The following ZMAT4 variants were observed in gnomAD, a reference collection of about 807,000 sequenced individuals.
The protein encoded by ZMAT4 is zinc finger matrin-type 4, also known as zinc finger matrin-type protein 4.
In ZMAT4, 17 loss-of-function variants were observed where a neutral mutation model predicts 28.7. That is an observed-to-expected ratio of 0.59 (90% CI 0.41 to 0.89). The LOEUF (loss-of-function observed/expected upper bound fraction) is 0.89, where lower values mean the gene tolerates loss of function less well. Among genes scored for constraint, ZMAT4 ranks in the 40% least tolerant of loss-of-function variants. The pLI is 0.00. For synonymous variants in ZMAT4, 117 were observed against 109.2 expected (o/e 1.07, Z -0.44); for missense variants, 240 against 283.8 (o/e 0.85, Z 1.11).
At chr8:40,739,098 T>C (rs1811893585) in intron 3 of ZMAT4, among the ~76,000 whole-genome samples, 1 of 152,206 alleles carries the variant, frequency 6.6e-6, no homozygotes, top group Non-Finnish European at 1.5e-5. Context: ...AATTAAATAA[T>C]TTTTTCAAGT....
At position 40,571,582 on chromosome 8, in the gene ZMAT4, T is replaced by C. The variant is rs148598537; in HGVS notation, c.674+9583A>G. Among the ~76,000 whole-genome samples the C allele has an allele frequency of 5.3e-3, 809 of 152,210 alleles. 6 individuals are homozygous for C. Among genetic ancestry groups the C allele is most frequent in the African/African-American group, 0.018 (756 of 41,532 alleles). On this transcript the variant is annotated intron_variant, in intron 6 of 6. Coordinates refer to ENST00000297737, the MANE Select transcript of ZMAT4 (RefSeq NM_024645.3). The stretch of plus-strand genomic sequence containing the variant: ...AGCCTCATTCCTGTCGTTGTCACAG[T>C]GATGCTGATTATCCAGATAGTCCTT...
chr8:40,852,501 G>T (rs1012764215), intron 1 of ZMAT4, among the ~76,000 whole-genome samples: 5 of 152,182 alleles, frequency 3.3e-5, no homozygotes, highest in African/African-American at 1.2e-4. Flanking sequence ...TATGTGAAGA[G>T]AATCCAGCTT....
At chr8:40,761,648 T>C (rs886836968) in intron 3 of ZMAT4, among the ~76,000 whole-genome samples, 1 of 152,222 alleles carries the variant, frequency 6.6e-6, no homozygotes, top group Non-Finnish European at 1.5e-5. Flanking sequence ...CATATTTCAT[T>C]TTTTTCTGTG....
At chr8:40,610,716 T>C (rs1273092216) in intron 5 of ZMAT4, among the ~76,000 whole-genome samples, 2 of 152,192 alleles carry the variant, frequency 1.3e-5, no homozygotes, top group East Asian at 1.9e-4. Context: ...ACATTTGTCA[T>C]GTTTTCCTTG....
chr8:40,627,925 C>T (rs747550507), intron 5 of ZMAT4, among the ~76,000 whole-genome samples: 24 of 152,110 alleles, frequency 1.6e-4, no homozygotes, highest in Non-Finnish European at 3.5e-4. Context: ...GATTTTGTCT[C>T]TGTAGTGAGA....
intron 2 of ZMAT4, among the ~76,000 whole-genome samples, chr8:40,794,743 C>T (rs1402467036): frequency 6.6e-6 from 1 of 152,140 alleles, no homozygotes; most frequent in Non-Finnish European, 1.5e-5. Context: ...CAGGCATGTC[C>T]CTCCCCTGTG....
chr8:40,718,789 C>T (rs1028227398), intron 3 of ZMAT4, among the ~76,000 whole-genome samples: 1 of 152,164 alleles, frequency 6.6e-6, no homozygotes, highest in Admixed American at 6.5e-5. Context: ...CATGCCTGCT[C>T]TATAGATAAG....
intron 4 of ZMAT4, among the ~76,000 whole-genome samples, chr8:40,677,287 T>A (rs1201761288): frequency 8.2e-6 from 1 of 121,544 alleles, no homozygotes; most frequent in Non-Finnish European, 1.7e-5. Flanking sequence ...AGTCTGAAAG[T>A]TTAAAGGATT....
chr8:40,841,529 C>A (rs1342725541), intron 1 of ZMAT4, among the ~76,000 whole-genome samples: 1 of 152,180 alleles, frequency 6.6e-6, no homozygotes, highest in Non-Finnish European at 1.5e-5. Context: ...CAAGCTGGGT[C>A]AGTGCCCCCT....
At chr8:40,862,584 T>TAAAA (rs398007582) in intron 1 of ZMAT4, among the ~76,000 whole-genome samples, 1 of 109,952 alleles carries the variant, frequency 9.1e-6, no homozygotes, top group Non-Finnish European at 1.8e-5. Context: ...AAAAAAAAAT[T>TAAAA]AAAAAAAAAA....
intron 1 of ZMAT4, among the ~76,000 whole-genome samples, chr8:40,865,453 C>T (rs1449923095): frequency 1.3e-5 from 2 of 152,186 alleles, no homozygotes; most frequent in African/African-American, 4.8e-5. Context: ...GCAGAGGGAT[C>T]TTCCAGGCAG....
chr8:40,721,852 TG>T (rs1485572924), intron 3 of ZMAT4, among the ~76,000 whole-genome samples: 2 of 152,102 alleles, frequency 1.3e-5, no homozygotes, highest in Non-Finnish European at 2.9e-5. Context: ...TAAATTTGTT[TG>T]AGTTCATTGT....
chr8:40,587,716 G>C (rs1804714341), intron 5 of ZMAT4, among the ~76,000 whole-genome samples: 1 of 151,886 alleles, frequency 6.6e-6, no homozygotes, highest in South Asian at 2.1e-4. Context: ...ACAGAAAATG[G>C]AAGAAACAAA....
At chr8:40,698,125 G>A (rs986256784) in intron 3 of ZMAT4, among the ~76,000 whole-genome samples, 1 of 152,030 alleles carries the variant, frequency 6.6e-6, no homozygotes, top group South Asian at 2.1e-4. Context: ...TAATTAACTC[G>A]ATTCTGTATC....
intron 5 of ZMAT4, among the ~76,000 whole-genome samples, chr8:40,600,288 G>C (rs972411863): frequency 2.0e-5 from 3 of 152,148 alleles, no homozygotes; most frequent in African/African-American, 7.2e-5. Context: ...ATTCCTCCCA[G>C]GACAAAAGTC....
At chr8:40,726,721 T>C (rs2150522624) in intron 3 of ZMAT4, among the ~76,000 whole-genome samples, 1 of 152,362 alleles carries the variant, frequency 6.6e-6, no homozygotes, top group South Asian at 2.1e-4. Flanking sequence ...CTCACTCACT[T>C]ATGTAGTCTC....
Position 40,674,884 on chromosome 8 carries a change from C to A in ZMAT4, c.397G>T (p.Val133Leu). ...LKPPRMDTAPVVASPYQRRDS... is the reference protein window; with the variant it reads ...LKPPRMDTAPLVASPYQRRDS... ...CTTCTTTGATAGGGAGATGCGACCA[C>A]CGGAGCAGTGTCCATCCGTGGGGGC... Residue 133 changes from valine to leucine, a missense_variant, in exon 5 of 7, where the codon GTG becomes TTG. Physicochemically the swap from Val to Leu is conservative, Grantham distance 32 (BLOSUM62 1). Transcript: ENST00000297737. 6.2e-7 allele frequency: 1 copy of A among 1,613,486 alleles called. No homozygotes were observed. The highest frequency in any genetic ancestry group is 8.5e-7 in the Non-Finnish European group (1 of 1,179,872).
chr8:40,808,587 A>T, intron 2 of ZMAT4: 1 of 455,808 alleles, frequency 2.2e-6, no homozygotes, highest in Non-Finnish European at 4.4e-6. Flanking sequence ...AAAAAAAAAA[A>T]AGTGCTGAGC....
intron 1 of ZMAT4, among the ~76,000 whole-genome samples, chr8:40,863,960 G>T (rs1817590479): frequency 1.3e-5 from 2 of 152,156 alleles, no homozygotes; most frequent in African/African-American, 4.8e-5. Flanking sequence ...AAATGGGAAT[G>T]TACTTTTGTC....
Sources: gnomAD v4.1 joint callset for allele counts (sites outside exome capture counted in the v4.1 genomes callset) on GRCh38, gnomAD v4.1.1 for gene constraint, MANE v1.5 for transcripts, NCBI Gene and HGNC (gene_info 2026-07-23, HGNC 2026-07-21) for gene names.